The following RAB3GAP1 variants were observed in gnomAD, a reference collection of about 807,000 sequenced individuals.
The protein encoded by RAB3GAP1 is RAB3 GTPase activating protein catalytic subunit 1.
RAB3GAP1 carries 86 observed loss-of-function variants against 130.7 expected under a neutral mutation model. That is an observed-to-expected ratio of 0.66 (90% confidence interval 0.55 to 0.79). RAB3GAP1 has a LOEUF of 0.79. Ranked by LOEUF, RAB3GAP1 falls within the 30% of genes least tolerant of loss-of-function variation. RAB3GAP1 has a pLI of 0.00. For synonymous variants in RAB3GAP1, 367 were observed against 401.7 expected (o/e 0.91, Z 1.03); for missense variants, 1,029 against 1,169.4 (o/e 0.88, Z 1.75).
At chr2:135,134,157 T>C in intron 15 of RAB3GAP1, 124 bp downstream of exon 15, 1 of 1,093,008 alleles carries the variant, frequency 9.1e-7, no homozygotes, top group Non-Finnish European at 1.3e-6. Flanking sequence ...AGCTTAGACA[T>C]GATTTATGTT....
chr2:135,147,266 A>G (rs916984349), intron 17 of RAB3GAP1, among the ~76,000 whole-genome samples: 1 of 151,880 alleles, frequency 6.6e-6, no homozygotes, highest in African/African-American at 2.4e-5. Flanking sequence ...GAATTGCTTG[A>G]ACCCAGGAGG....
chr2:135,130,495 A>T, intron 12 of RAB3GAP1, 57 bp from the exon 13 acceptor site: 1 of 1,400,170 alleles, frequency 7.1e-7, no homozygotes, highest in African/African-American at 1.4e-5. Flanking sequence ...TTTGTTCATC[A>T]CTTTCACCTG....
chr2:135,055,227 A>T (rs1336227456), intron 2 of RAB3GAP1, among the ~76,000 whole-genome samples: 1 of 152,200 alleles, frequency 6.6e-6, no homozygotes, highest in East Asian at 1.9e-4. Context: ...GAGGGACCTA[A>T]TATAGAATAA....
At chr2:135,109,121 TTTC>T (rs1357961661) in intron 5 of RAB3GAP1, among the ~76,000 whole-genome samples, 1 of 151,276 alleles carries the variant, frequency 6.6e-6, no homozygotes. Flanking sequence ...GTTCTCCAAC[TTTC>T]TTCTTCTTCA....
rs893269191 is a variant in RAB3GAP1, at chr2:135,075,287, A to G, written c.151-15711A>G. On this transcript the variant is annotated intron_variant, in intron 3 of 23. Coordinates refer to ENST00000264158, the MANE Select transcript of RAB3GAP1 (RefSeq NM_012233.3). ...AGACCTTTAATTACAAAAATAATGTAACCACACCAAATGATGCATATGTAT... is the reference window on the plus strand; with the variant it reads ...AGACCTTTAATTACAAAAATAATGTGACCACACCAAATGATGCATATGTAT... Among the ~76,000 whole-genome samples, 4 of 152,202 alleles carry G rather than the reference A, an allele frequency of 2.6e-5. No homozygotes were observed. In the South Asian group the frequency reaches 8.3e-4, roughly 32 times the overall value.
chr2:135,085,596 A>G (rs1689949322), intron 3 of RAB3GAP1, among the ~76,000 whole-genome samples: 1 of 152,178 alleles, frequency 6.6e-6, no homozygotes, highest in Non-Finnish European at 1.5e-5. Context: ...GTTGAAAGAT[A>G]AGTGGAAAGG....
rs529081115 is a variant in RAB3GAP1, at chr2:135,081,195, T to C, written c.151-9803T>C. On this transcript the variant is annotated intron_variant, in intron 3 of 23. Coordinates refer to ENST00000264158, the MANE Select transcript of RAB3GAP1 (RefSeq NM_012233.3). ...GGTGGTGGGTGCCTGTAGTCCCAGCTACTCGGGAGGCTGAGGCAGGAGAAT... is the reference window on the plus strand; with the variant it reads ...GGTGGTGGGTGCCTGTAGTCCCAGCCACTCGGGAGGCTGAGGCAGGAGAAT... 4.8e-3 allele frequency among the ~76,000 whole-genome samples: 707 copies of C among 148,804 alleles called. 8 individuals are homozygous for C. The highest frequency in any genetic ancestry group is 0.017 in the African/African-American group (666 of 40,336).
intron 4 of RAB3GAP1, among the ~76,000 whole-genome samples, chr2:135,091,737 A>G (rs1690149341): frequency 6.6e-6 from 1 of 152,190 alleles, no homozygotes; most frequent in Admixed American, 6.5e-5. Context: ...ATTGTACATA[A>G]GCAAGTATCT....
intron 7 of RAB3GAP1, among the ~76,000 whole-genome samples, chr2:135,118,235 C>A (rs1217116333): frequency 2.0e-5 from 3 of 152,056 alleles, no homozygotes; most frequent in Non-Finnish European, 2.9e-5. Flanking sequence ...CTACATTGAT[C>A]TGTGGAACCC....
chr2:135,095,087 C>T (rs950663820), intron 5 of RAB3GAP1, among the ~76,000 whole-genome samples: 6 of 151,992 alleles, frequency 3.9e-5, no homozygotes, highest in Non-Finnish European at 7.4e-5. Context: ...CTCACTCTGT[C>T]GCCCAGGCTG....
rs2104875531 is a variant in RAB3GAP1 at position 135,090,999 on chromosome 2, G to T, written c.152G>T (p.Gly51Val). The change falls in exon 4 of 24, where the codon GGT (glycine) becomes GTT (valine). Residue 51 changes from glycine to valine, a missense_variant and splice_region_variant. This residue lies in a region of RAB3GAP1 where 510 missense variants were observed against 532.1 expected (regional missense o/e 0.96). Transcript: ENST00000264158. ...TTGCCATTTTATTGGTACATATAGG[G>T]TATATTTACTTCTGGCACATGGGAA... ...GNSLGKPLEK[G>V]IFTSGTWEEK... 5 of 1,611,592 alleles carry T rather than the reference G, an allele frequency of 3.1e-6. No homozygotes were observed. In the South Asian group the frequency reaches 3.3e-5, roughly 11 times the overall value.
chr2:135,134,187 A>C (rs1477780412), intron 15 of RAB3GAP1, among the ~76,000 whole-genome samples, 154 bp downstream of exon 15: 1 of 152,222 alleles, frequency 6.6e-6, no homozygotes. Flanking sequence ...TCACTGCAGC[A>C]AATTTATTAA....
chr2:135,169,105 T>G lies in RAB3GAP1; in HGVS notation c.*324T>G, dbSNP rs886054855. 5.3e-5 allele frequency: 22 copies of G among 417,956 alleles called. No homozygotes were observed. The highest frequency in any genetic ancestry group is 7.1e-5 in the Admixed American group (2 of 28,060). The allele number at this position is 417,956 out of a possible 1,614,324, so 25.9% of individuals were successfully genotyped here. ...GGACGGTGTTCATCGCATTCTCTTC[T>G]GTGACCAGCCTCTAGGCTAGCGGCT... On this transcript the variant is annotated 3_prime_UTR_variant, in exon 24 of 24. Transcript: ENST00000264158.
chr2:135,087,943 T>TC (rs1690033205), intron 3 of RAB3GAP1, among the ~76,000 whole-genome samples: 2 of 152,220 alleles, frequency 1.3e-5, no homozygotes, highest in South Asian at 4.1e-4. Flanking sequence ...GCATAGCAGA[T>TC]ACATGCCTTA....
intron 13 of RAB3GAP1, among the ~76,000 whole-genome samples, chr2:135,131,023 G>A (rs1691521351): frequency 6.6e-6 from 1 of 152,150 alleles, no homozygotes; most frequent in South Asian, 2.1e-4. Context: ...GCTGAATCTT[G>A]ATGAAAAGAA....
intron 8 of RAB3GAP1, among the ~76,000 whole-genome samples, chr2:135,122,555 C>T (rs1282498875): frequency 6.6e-6 from 1 of 152,080 alleles, no homozygotes; most frequent in Non-Finnish European, 1.5e-5. Context: ...AAATATTAAC[C>T]TTCTCCCTCA....
At chr2:135,063,350 G>A (rs899809676) in intron 3 of RAB3GAP1, among the ~76,000 whole-genome samples, 1 of 151,980 alleles carries the variant, frequency 6.6e-6, no homozygotes, top group Non-Finnish European at 1.5e-5. Context: ...CCATTTTAAC[G>A]ATTTTTAAGT....
Position 135,080,524 on chromosome 2 carries a change from C to T in RAB3GAP1, c.151-10474C>T, listed in dbSNP as rs7571119. Among the ~76,000 whole-genome samples the T allele has an allele frequency of 9.9e-3, 1,507 of 152,168 alleles. 23 individuals are homozygous for T. Among genetic ancestry groups the T allele is most frequent in the African/African-American group, 0.034 (1,426 of 41,512 alleles). ...CAAGTGCCTATTAGATCTGAGTGCC[C>T]GAGATGATGCTAAATGGTACTTGTT... On this transcript the variant is annotated intron_variant, in intron 3 of 23. Transcript: ENST00000264158.
intron 3 of RAB3GAP1, chr2:135,089,504 C>CT: frequency 6.6e-6 from 1 of 152,168 alleles, no homozygotes; most frequent in East Asian, 1.9e-4. Context: ...AGTATTGATT[C>CT]TTTCCATCCA....
Sources: gnomAD v4.1 joint callset for allele counts (sites outside exome capture counted in the v4.1 genomes callset) on GRCh38, gnomAD v4.1.1 for gene constraint, gnomAD v4.1.1 regional missense constraint, MANE v1.5 for transcripts, NCBI Gene and HGNC (gene_info 2026-07-23, HGNC 2026-07-21) for gene names.